VEGFD: variants seen among roughly 807,000 people sequenced by gnomAD.
VEGFD encodes c-fos induced growth factor (vascular endothelial growth factor D).
Under a neutral mutation model 28.0 loss-of-function variants are expected in VEGFD, and 26 were observed. The observed-to-expected ratio is 0.93, with a 90% CI of 0.68 to 1.29. The LOEUF (loss-of-function observed/expected upper bound fraction) is 1.29, where lower values mean the gene tolerates loss of function less well. Among genes scored for constraint, VEGFD ranks in the 50% most tolerant of loss-of-function variants. The pLI, the probability that VEGFD is intolerant of heterozygous loss-of-function variation, is 0.00. For synonymous variants in VEGFD, 93 were observed against 95.5 expected, an observed-to-expected ratio of 0.97 and a Z score of 0.15; for missense variants, 294 against 273.4, an observed-to-expected ratio of 1.08 and a Z score of -0.53.
chrX:15,379,754 T>C (rs1923522716), intron 1 of VEGFD, among the ~76,000 whole-genome samples: 1 of 112,138 alleles, frequency 8.9e-6, no homozygotes, highest in Non-Finnish European at 1.9e-5. Context: ...TAATAATAAA[T>C]GTATCTGGGA....
chrX:15,346,245 C>T lies in VEGFD; in HGVS notation c.953G>A (p.Cys318Tyr), dbSNP rs745476068. The T allele has an allele frequency of 8.3e-6, 10 of 1,208,809 alleles. No homozygotes were observed. Among genetic ancestry groups the T allele is most frequent in the Non-Finnish European group, 1.1e-5 (10 of 894,214 alleles). ...HPDTCSCEDR[C>Y]PFHTRPCASG... is the part of the protein sequence containing the mutation. ...TGCACATGGTCTGGTATGAAAGGGG[C>T]ATCTGTCCTCACAGCTGTTGCAAAA... is the stretch of plus-strand genomic sequence containing the variant. The change falls in exon 7 of 7, where the codon TGC becomes TAC. Residue 318 changes from cysteine (C) to tyrosine (Y), a missense_variant. Transcript: ENST00000297904.
chrX:15,361,331 T>G (rs927871983), intron 2 of VEGFD, among the ~76,000 whole-genome samples: 2 of 112,049 alleles, frequency 1.8e-5, no homozygotes, highest in Non-Finnish European at 3.8e-5. Flanking sequence ...TTTGTTCTCA[T>G]GAAGGCTATA....
chrX:15,371,407 A>G (rs1227271298), intron 1 of VEGFD, among the ~76,000 whole-genome samples: 1 of 112,153 alleles, frequency 8.9e-6, no homozygotes, highest in Non-Finnish European at 1.9e-5. Context: ...AAGATGATAT[A>G]TCCTAAATAG....
At chrX:15,349,564 T>A (rs757417876) in intron 5 of VEGFD, among the ~76,000 whole-genome samples, 1 of 112,365 alleles carries the variant, frequency 8.9e-6, no homozygotes, top group East Asian at 2.8e-4. Context: ...CTTGAAATTG[T>A]AGCTCTCTTC....
chrX:15,360,501 G>A (rs1011326121), intron 2 of VEGFD, among the ~76,000 whole-genome samples: 3 of 109,809 alleles, frequency 2.7e-5, no homozygotes, highest in Non-Finnish European at 5.7e-5. Flanking sequence ...ACCATGCCCA[G>A]CTAATTTTTG....
In VEGFD at chrX:15,345,944, C is replaced by G; in HGVS notation, c.*189G>C. ...ATTCCTTGGTGCGCAGAGGCATCTG[C>G]AGCTAGAAGACATCCATCAATGAAC... On this transcript the variant is annotated 3_prime_UTR_variant, in exon 7 of 7. Coordinates refer to ENST00000297904, the MANE Select transcript of VEGFD (RefSeq NM_004469.5). The G allele has an allele frequency of 2.1e-6, 1 of 467,303 alleles. No homozygotes were observed. Among genetic ancestry groups the G allele is most frequent in the Non-Finnish European group, 3.6e-6 (1 of 275,398 alleles). 38.5% of individuals were successfully genotyped at this position (467,303 alleles called of 1,213,427 possible). A position where few individuals can be genotyped will look rare whatever the true frequency, so the allele number is the denominator to read the frequency against.
intron 5 of VEGFD, among the ~76,000 whole-genome samples, chrX:15,349,525 A>G (rs758452489): frequency 8.9e-6 from 1 of 112,336 alleles, no homozygotes; most frequent in South Asian, 3.7e-4. Flanking sequence ...TTTTATCAAT[A>G]AACTGATAGA....
intron 2 of VEGFD, 102 bp downstream of exon 2, chrX:15,363,007 C>T (rs1203154518): frequency 7.1e-6 from 5 of 706,935 alleles, no homozygotes; most frequent in Non-Finnish European, 1.1e-5. Flanking sequence ...TTTCATTCTC[C>T]CTCTGACACG....
chrX:15,375,501 G>T (rs1368803330), intron 1 of VEGFD, among the ~76,000 whole-genome samples: 1 of 111,819 alleles, frequency 8.9e-6, no homozygotes, highest in Non-Finnish European at 1.9e-5. Context: ...GTCTGATCTT[G>T]CTTCTCTGAA....
chrX:15,358,235 T>C, intron 2 of VEGFD, 42 bp from the exon 3 acceptor site: 1 of 1,099,748 alleles, frequency 9.1e-7, no homozygotes, highest in Non-Finnish European at 1.2e-6. Context: ...GCAGGTGGAA[T>C]GGTCCTGGTG....
intron 6 of VEGFD, among the ~76,000 whole-genome samples, chrX:15,346,676 GT>G (rs1183940263): frequency 1.8e-5 from 2 of 112,215 alleles, no homozygotes; most frequent in Non-Finnish European, 3.8e-5. Flanking sequence ...GCTCATGCCT[GT>G]AATCCCAGCA....
chrX:15,375,534 G>C (rs1264975635), intron 1 of VEGFD, among the ~76,000 whole-genome samples: 1 of 111,848 alleles, frequency 8.9e-6, no homozygotes, highest in Non-Finnish European at 1.9e-5. Context: ...GGCCATTTAA[G>C]GTTGGGGTGG....
chrX:15,355,117 ATC>A (rs1423698246), intron 4 of VEGFD, 31 bp downstream of exon 4: 1 of 1,131,970 alleles, frequency 8.8e-7, no homozygotes, highest in Admixed American at 3.0e-5. Context: ...AATAAGCATA[ATC>A]CAGTATAAAA....
At chrX:15,376,258 G>A (rs750003159) in intron 1 of VEGFD, among the ~76,000 whole-genome samples, 1 of 111,771 alleles carries the variant, frequency 8.9e-6, no homozygotes, top group Non-Finnish European at 1.9e-5. Context: ...ATGATTGCAC[G>A]TTTTTCTATT....
chrX:15,356,880 G>C (rs1380884142), intron 3 of VEGFD, among the ~76,000 whole-genome samples: 1 of 111,727 alleles, frequency 9.0e-6, no homozygotes, highest in African/African-American at 3.3e-5. Flanking sequence ...ACAAAATTAA[G>C]GATAAGTAAA....
At chrX:15,363,901 G>A (rs748056337) in intron 1 of VEGFD, among the ~76,000 whole-genome samples, 7 of 112,319 alleles carry the variant, frequency 6.2e-5, no homozygotes, top group East Asian at 2.8e-4. Flanking sequence ...TTTTGAGGGC[G>A]TGCAGCCTTG....
intron 5 of VEGFD, among the ~76,000 whole-genome samples, chrX:15,351,449 A>G (rs1353770448): frequency 9.0e-6 from 1 of 110,554 alleles, no homozygotes; most frequent in Non-Finnish European, 1.9e-5. Context: ...TCCCAACCTC[A>G]AGTGATCCTC....
chrX:15,382,650 A>G (rs753678078), intron 1 of VEGFD, among the ~76,000 whole-genome samples: 2 of 111,603 alleles, frequency 1.8e-5, no homozygotes, highest in African/African-American at 6.5e-5. Context: ...CCATTTACCT[A>G]CAATCTGGCC....
intron 6 of VEGFD, 64 bp downstream of exon 6, chrX:15,347,100 C>T: frequency 1.9e-6 from 2 of 1,054,831 alleles, no homozygotes; most frequent in South Asian, 2.3e-5. Flanking sequence ...AGGAATCCCA[C>T]CAAATTAAAA....
Sources: allele counts gnomAD v4.1 joint callset (sites outside exome capture counted in the v4.1 genomes callset), GRCh38; gene constraint gnomAD v4.1.1; transcripts MANE v1.5; gene names NCBI Gene and HGNC (gene_info 2026-07-23, HGNC 2026-07-21).